The following KCNMA1 variants were observed in gnomAD, a reference collection of about 807,000 sequenced individuals.
KCNMA1 encodes potassium calcium-activated channel subfamily M alpha 1.
A neutral mutation model predicts 140.0 loss-of-function variants in KCNMA1; 29 were observed. That is an observed-to-expected ratio of 0.21 (90% CI 0.15 to 0.28). KCNMA1 has a LOEUF of 0.28. Ranked by LOEUF, KCNMA1 falls within the 10% of genes least tolerant of loss-of-function variation. The pLI, the probability that KCNMA1 is intolerant of heterozygous loss-of-function variation, is 1.00. For synonymous variants in KCNMA1, 612 were observed against 611.9 expected, an observed-to-expected ratio of 1.00 and a Z score of 0.00; for missense variants, 880 against 1,602.2, an observed-to-expected ratio of 0.55 and a Z score of 7.70.
At chr10:77,298,618 G>GA (rs35476319) in intron 2 of KCNMA1, among the ~76,000 whole-genome samples, 126,745 of 151,334 alleles carry the variant, frequency 0.84, 53,236 homozygotes, top group Middle Eastern at 0.9. Context: ...CACCCTAACT[G>GA]AAAAAAAAAT....
rs888320237 is a variant in KCNMA1 at position 77,637,584 on chromosome 10, C to T, written c.59G>A (p.Gly20Asp). Residue 20 changes from glycine to aspartate, a missense_variant, in exon 1 of 28, where the codon GGC becomes GAC. Physicochemically the swap from Gly to Asp is moderately conservative, Grantham distance 94. This residue lies in a region of KCNMA1 where 94 missense variants were observed against 92.4 expected (regional missense o/e 1.02). Coordinates refer to ENST00000286628, the MANE Select transcript of KCNMA1 (RefSeq NM_001161352.2). ...ATTGCTACTCATTCTAAGACTGCTGCCTCCGCCGCCGCCGCCGCCGCCGCT... is the reference window on the plus strand; with the variant it reads ...ATTGCTACTCATTCTAAGACTGCTGTCTCCGCCGCCGCCGCCGCCGCCGCT... ...GSSGGGGGGG[G>D]SSLRMSSNIH... 1.2e-5 allele frequency: 18 copies of T among 1,532,254 alleles called. No individual in the cohort carries two copies. The Middle Eastern group carries it at 5.3e-4, about 46-fold the overall frequency. The allele number at this position is 1,532,254 out of a possible 1,614,324, so 94.9% of individuals were successfully genotyped here. A position where few individuals can be genotyped will look rare whatever the true frequency, so the allele number is the denominator to read the frequency against.
At chr10:76,914,152 C>T (rs2051617474) in intron 24 of KCNMA1, 2 of 1,540,050 alleles carry the variant, frequency 1.3e-6, no homozygotes, top group African/African-American at 1.4e-5. Flanking sequence ...TTGGATACAG[C>T]ATTTAAGGGT....
chr10:77,437,798 G>T (rs1475708579), intron 1 of KCNMA1, among the ~76,000 whole-genome samples: 1 of 152,144 alleles, frequency 6.6e-6, no homozygotes, highest in Non-Finnish European at 1.5e-5. Flanking sequence ...GATGATTTCA[G>T]GCAAATCCCT....
At chr10:77,560,170 G>A (rs925922908) in intron 1 of KCNMA1, among the ~76,000 whole-genome samples, 42 of 152,216 alleles carry the variant, frequency 2.8e-4, no homozygotes, top group African/African-American at 7.2e-4. Context: ...GTGACAGTGC[G>A]AGACTCTGTC....
chr10:77,603,983 CCT>C (rs1347045184), intron 1 of KCNMA1, among the ~76,000 whole-genome samples: 1 of 152,188 alleles, frequency 6.6e-6, no homozygotes, highest in Non-Finnish European at 1.5e-5. Flanking sequence ...CACAACGGTG[CCT>C]GACACATAAA....
intron 3 of KCNMA1, among the ~76,000 whole-genome samples, chr10:77,221,327 C>T (rs1311087931): frequency 1.3e-5 from 2 of 152,124 alleles, no homozygotes; most frequent in East Asian, 1.9e-4. Flanking sequence ...ATTAGCTTAA[C>T]CTGGGATCCA....
At chr10:77,264,327 T>C (rs1269051997) in intron 2 of KCNMA1, among the ~76,000 whole-genome samples, 1 of 152,090 alleles carries the variant, frequency 6.6e-6, no homozygotes, top group Non-Finnish European at 1.5e-5. Context: ...TCTACATGTG[T>C]GGGGCATTTG....
At chr10:77,273,350 T>C (rs1362756107) in intron 2 of KCNMA1, among the ~76,000 whole-genome samples, 4 of 152,130 alleles carry the variant, frequency 2.6e-5, no homozygotes, top group African/African-American at 9.7e-5. Flanking sequence ...AAACCAATCA[T>C]TTGAAGGGAA....
At chr10:77,348,509 C>T (rs554342168) in intron 2 of KCNMA1, among the ~76,000 whole-genome samples, 34 of 152,292 alleles carry the variant, frequency 2.2e-4, no homozygotes, top group African/African-American at 7.9e-4. Context: ...GAAAGGAGGT[C>T]AGCCTGGAAC....
intron 1 of KCNMA1, among the ~76,000 whole-genome samples, chr10:77,430,246 C>G (rs1188359548): frequency 6.6e-6 from 1 of 152,188 alleles, no homozygotes; most frequent in African/African-American, 2.4e-5. Context: ...GAAATCATCC[C>G]TCTGCCCACC....
chr10:77,142,887 T>C (rs186933720), intron 5 of KCNMA1, among the ~76,000 whole-genome samples: 32 of 152,130 alleles, frequency 2.1e-4, no homozygotes, highest in Non-Finnish European at 4.1e-4. Flanking sequence ...AAATAGAAAA[T>C]GTAAACAGCT....
At chr10:77,415,018 C>T (rs1467656264) in intron 1 of KCNMA1, among the ~76,000 whole-genome samples, 1 of 152,206 alleles carries the variant, frequency 6.6e-6, no homozygotes, top group Non-Finnish European at 1.5e-5. Flanking sequence ...ATCTCACAAC[C>T]TATGGCTTCT....
chr10:77,085,751 G>A (rs926072341), intron 11 of KCNMA1, among the ~76,000 whole-genome samples: 8 of 151,994 alleles, frequency 5.3e-5, no homozygotes, highest in African/African-American at 1.5e-4. Flanking sequence ...AAAATTATGC[G>A]GTGACCACAG....
At chr10:77,205,536 T>G (rs1346572438) in intron 3 of KCNMA1, among the ~76,000 whole-genome samples, 2 of 152,216 alleles carry the variant, frequency 1.3e-5, no homozygotes, top group Non-Finnish European at 2.9e-5. Flanking sequence ...TAAATCAACA[T>G]GCTCTAATTT....
chr10:77,341,276 T>C (rs1473969834), intron 2 of KCNMA1, among the ~76,000 whole-genome samples: 1 of 152,212 alleles, frequency 6.6e-6, no homozygotes, highest in East Asian at 1.9e-4. Context: ...TCTCAATACG[T>C]GTTAGCTGTC....
At chr10:77,438,980 A>T (rs1470803397) in intron 1 of KCNMA1, among the ~76,000 whole-genome samples, 4 of 151,792 alleles carry the variant, frequency 2.6e-5, no homozygotes, top group Non-Finnish European at 5.9e-5. Flanking sequence ...GGAGGCTGAA[A>T]CAGGAGAATG....
intron 3 of KCNMA1, among the ~76,000 whole-genome samples, chr10:77,232,047 G>T (rs866259301): frequency 6.6e-6 from 1 of 152,268 alleles, no homozygotes; most frequent in African/African-American, 2.4e-5. Flanking sequence ...GTGATCTTTT[G>T]TGACTAGTTT....
chr10:77,442,208 C>G (rs1175772433), intron 1 of KCNMA1, among the ~76,000 whole-genome samples: 3 of 152,204 alleles, frequency 2.0e-5, no homozygotes, highest in Non-Finnish European at 4.4e-5. Flanking sequence ...AGCCTTCACT[C>G]TCACCCCCAC....
chr10:76,960,077 C>G (rs1408824530), intron 20 of KCNMA1, among the ~76,000 whole-genome samples: 1 of 152,190 alleles, frequency 6.6e-6, no homozygotes, highest in Non-Finnish European at 1.5e-5. Context: ...CAAAACACCC[C>G]AAGTTGCAGT....
Sources: allele counts gnomAD v4.1 joint callset (sites outside exome capture counted in the v4.1 genomes callset), GRCh38; gene constraint gnomAD v4.1.1; regional missense constraint gnomAD v4.1.1; transcripts MANE v1.5; gene names NCBI Gene and HGNC (gene_info 2026-07-23, HGNC 2026-07-21).